Variants in YBX3 observed in about 807,000 individuals in gnomAD.
YBX3 encodes Y-box binding protein 3, also known as Y-box-binding protein 3.
A neutral mutation model predicts 42.4 loss-of-function variants in YBX3; 29 were observed. That is an observed-to-expected ratio of 0.68 (90% CI 0.51 to 0.93). YBX3 has a LOEUF of 0.93. Ranked by LOEUF, YBX3 falls within the 40% of genes least tolerant of loss-of-function variation. YBX3 has a pLI of 0.00. For missense variants in YBX3, 517 were observed against 527.5 expected (o/e 0.98, Z 0.19); for synonymous variants, 195 against 189.8 (o/e 1.03, Z -0.22).
At chr12:10,701,229 A>C in intron 9 of YBX3, 25 bp downstream of exon 9, 1 of 764,290 alleles carries the variant, frequency 1.3e-6, no homozygotes, top group Non-Finnish European at 2.4e-6. Context: ...ATACCAACTC[A>C]AGACTGGGCT....
Position 10,723,296 on chromosome 12 carries a change from T to A in YBX3, c.-185A>T, listed in dbSNP as rs1673681. 5 of 989,598 alleles carry A rather than the reference T, an allele frequency of 5.1e-6. No individual in the cohort carries two copies. Among genetic ancestry groups the A allele is most frequent in the Non-Finnish European group, 5.1e-6 (4 of 786,434 alleles). 61.3% of individuals were successfully genotyped at this position (989,598 alleles called of 1,614,324 possible). A position where few individuals can be genotyped will look rare whatever the true frequency, so the allele number is the denominator to read the frequency against. On this transcript the variant is annotated 5_prime_UTR_variant, in exon 1 of 10. Transcript: ENST00000228251. ...GGCTCGAGCTTCGTGCTGCGCGCTC[T>A]CTCTTGGGCTCCTCGCTCGATCTTA...
In YBX3 at chr12:10,723,024, G is replaced by A. The variant is rs1315371569; in HGVS notation, c.88C>T (p.Pro30Ser). ...TEAAAAAPQDPAPKSPVGSGA... is the reference protein window; with the variant it reads ...TEAAAAAPQDSAPKSPVGSGA... ...CTGCCCACCGGGCTCTTGGGCGCGG[G>A]GTCCTGGGGAGCCGCGGCGGCCGCC... Residue 30 changes from proline (P) to serine (S), a missense_variant, in exon 1 of 10, where the codon CCC becomes TCC. By Grantham distance (74) the Pro-to-Ser change is moderately conservative. This residue lies in a region of YBX3 where 86 missense variants were observed against 82.5 expected (regional missense o/e 1.04). Coordinates refer to ENST00000228251, the MANE Select transcript of YBX3 (RefSeq NM_003651.5). 5 of 1,203,196 alleles carry A rather than the reference G, an allele frequency of 4.2e-6. No individual in the cohort carries two copies. The East Asian group carries it at 1.4e-4, about 34-fold the overall frequency. 74.5% of individuals were successfully genotyped at this position (1,203,196 alleles called of 1,614,324 possible). A position where few individuals can be genotyped will look rare whatever the true frequency, so the allele number is the denominator to read the frequency against.
intron 5 of YBX3, chr12:10,712,884 C>A (rs1004304219): frequency 9.2e-6 from 2 of 218,270 alleles, no homozygotes; most frequent in East Asian, 1.9e-4. Flanking sequence ...ATGAGACCAG[C>A]GGCTCTGGAA....
chr12:10,704,816 C>CT (rs1261453167), intron 6 of YBX3, among the ~76,000 whole-genome samples: 1 of 152,226 alleles, frequency 6.6e-6, no homozygotes, highest in African/African-American at 2.4e-5. Context: ...AACAGCCTCT[C>CT]TATTCTCATC....
Position 10,723,021 on chromosome 12 carries a change from C to G in YBX3, c.91G>C (p.Ala31Pro). The G allele has an allele frequency of 8.3e-7, 1 of 1,207,070 alleles. No homozygotes were observed. Among genetic ancestry groups the G allele is most frequent in the Non-Finnish European group, 1.0e-6 (1 of 974,164 alleles). 74.8% of individuals were successfully genotyped at this position (1,207,070 alleles called of 1,614,324 possible). A position where few individuals can be genotyped will look rare whatever the true frequency, so the allele number is the denominator to read the frequency against. Residue 31 changes from alanine to proline, a missense_variant, in exon 1 of 10, where the codon GCG becomes CCG. Ala to Pro is a conservative substitution (Grantham distance 27). Transcript: ENST00000228251. Reference protein sequence around the residue: ...EAAAAAPQDPAPKSPVGSGAP... With the variant: ...EAAAAAPQDPPPKSPVGSGAP... ...CCGCTGCCCACCGGGCTCTTGGGCGCGGGGTCCTGGGGAGCCGCGGCGGCC... is the reference window on the plus strand; with the variant it reads ...CCGCTGCCCACCGGGCTCTTGGGCGGGGGGTCCTGGGGAGCCGCGGCGGCC...
Position 10,701,959 on chromosome 12 carries a change from C to T in YBX3, c.1053+1G>A. On this transcript the variant is annotated splice_donor_variant, in intron 8 of 9. Coordinates refer to ENST00000228251, the MANE Select transcript of YBX3 (RefSeq NM_003651.5). LOFTEE classifies it high-confidence loss of function. ...CATCCGCCCTGACTGGTTGGATTTA[C>T]CTCTTTGCCATCTTGTGAAGGAGCG... The T allele has an allele frequency of 6.2e-7, 1 of 1,611,654 alleles. No individual in the cohort carries two copies.
At chr12:10,722,767 T>C in intron 1 of YBX3, 83 bp downstream of exon 1, 2 of 1,202,092 alleles carry the variant, frequency 1.7e-6, no homozygotes, top group Non-Finnish European at 2.1e-6. Context: ...GTGGGAGATG[T>C]AGCGCGAGCT....
intron 2 of YBX3, among the ~76,000 whole-genome samples, chr12:10,718,764 G>T (rs1014614069): frequency 6.6e-6 from 1 of 152,160 alleles, no homozygotes; most frequent in Non-Finnish European, 1.5e-5. Flanking sequence ...CTTAACCAGT[G>T]TAAGACTCCG....
At chr12:10,720,929 T>C (rs1455497990) in intron 1 of YBX3, 1 of 152,206 alleles carries the variant, frequency 6.6e-6, no homozygotes, top group Non-Finnish European at 1.5e-5. Flanking sequence ...CCACTTCATA[T>C]ACACTAAGGG....
intron 5 of YBX3, chr12:10,712,876 G>A (rs533451007): frequency 1.4e-5 from 3 of 208,864 alleles, no homozygotes; most frequent in South Asian, 1.6e-4. Flanking sequence ...AGTGTCTAAT[G>A]AGACCAGCGG....
chr12:10,722,971 C>T lies in YBX3; in HGVS notation c.141G>A (p.Ala47=), dbSNP rs1948350106. Residue 47 remains alanine, a synonymous_variant, in exon 1 of 10, where the codon GCG becomes GCA. Coordinates refer to ENST00000228251, the MANE Select transcript of YBX3 (RefSeq NM_003651.5). ...GSGAPQAAAP[A]PAAHVAGNPG... ...GGTTTCCTGCGACGTGGGCGGCGGG[C>T]GCCGGGGCCGCGGCCTGGGGCGCAC... 1.6e-6 allele frequency: 2 copies of T among 1,238,616 alleles called. No homozygotes were observed. The highest frequency in any genetic ancestry group is 1.0e-6 in the Non-Finnish European group (1 of 995,728). 76.7% of individuals were successfully genotyped at this position (1,238,616 alleles called of 1,614,324 possible). A position where few individuals can be genotyped will look rare whatever the true frequency, so the allele number is the denominator to read the frequency against.
At chr12:10,703,174 T>C (rs920831032) in intron 7 of YBX3, 6 of 152,246 alleles carry the variant, frequency 3.9e-5, no homozygotes, top group Admixed American at 2.6e-4. Context: ...ACGATCCTTT[T>C]ACAATTATAT....
chr12:10,709,947 G>A lies in YBX3; in HGVS notation c.741C>T (p.Asp247=), dbSNP rs1029364661. The stretch of plus-strand genomic sequence containing the variant: ...GATGGGGTAAGACCCGTGAGCGACG[G>A]TCAAAGGTCTGTCCCACGTGGTAAG... ...FPPYHVGQTF[D]RRSRVLPHPN... The change falls in exon 6 of 10, where the codon GAC becomes GAT. Residue 247 remains aspartate (D), a synonymous_variant. Coordinates refer to ENST00000228251, the MANE Select transcript of YBX3 (RefSeq NM_003651.5). 4 of 1,614,218 alleles carry A rather than the reference G, an allele frequency of 2.5e-6. No homozygotes were observed. The highest frequency in any genetic ancestry group is 3.4e-6 in the Non-Finnish European group (4 of 1,180,040).
chr12:10,717,184 C>T (rs1338304460), intron 3 of YBX3, among the ~76,000 whole-genome samples: 3 of 152,102 alleles, frequency 2.0e-5, no homozygotes, highest in African/African-American at 7.2e-5. Context: ...CCACTATCTC[C>T]AACTCCTACG....
intron 6 of YBX3, among the ~76,000 whole-genome samples, chr12:10,705,300 G>C (rs1167795878): frequency 6.6e-6 from 1 of 152,040 alleles, no homozygotes; most frequent in Non-Finnish European, 1.5e-5. Flanking sequence ...TCATCATGTT[G>C]GCCAGGATGG....
At position 10,723,267 on chromosome 12, in the gene YBX3, A is replaced by T; in HGVS notation, c.-156T>A. 1.8e-6 allele frequency: 2 copies of T among 1,128,596 alleles called. No homozygotes were observed. Among genetic ancestry groups the T allele is most frequent in the Non-Finnish European group, 2.2e-6 (2 of 912,496 alleles). 69.9% of individuals were successfully genotyped at this position (1,128,596 alleles called of 1,614,324 possible). A position where few individuals can be genotyped will look rare whatever the true frequency, so the allele number is the denominator to read the frequency against. ...CGGCCGAGGTGGGGTCGCGCGGCGG[A>T]GGCGGCTCGAGCTTCGTGCTGCGCG... On this transcript the variant is annotated 5_prime_UTR_variant, in exon 1 of 10. Transcript: ENST00000228251.
rs909555850 is a variant in YBX3, at chr12:10,722,727, G to A, written c.262+123C>T. ...CCCTGGGGACCCGGAGATCCCTGGG[G>A]ACCCTGTGCTGTCAGCGTCTCCAGC... On this transcript the variant is annotated intron_variant, in intron 1 of 9. Transcript: ENST00000228251. 19 of 913,716 alleles carry A rather than the reference G, an allele frequency of 2.1e-5. No individual in the cohort carries two copies. In the East Asian group the frequency reaches 6.4e-4, roughly 31 times the overall value. The allele number at this position is 913,716 out of a possible 1,614,324, so 56.6% of individuals were successfully genotyped here. A position where few individuals can be genotyped will look rare whatever the true frequency, so the allele number is the denominator to read the frequency against.
At chr12:10,720,834 A>T (rs951384207) in intron 1 of YBX3, 7 of 152,322 alleles carry the variant, frequency 4.6e-5, no homozygotes, top group African/African-American at 1.4e-4. Flanking sequence ...AATGTAGTTT[A>T]AAAAAGTTTC....
rs750965946 is a variant in YBX3 at position 10,715,706 on chromosome 12, A to G, written c.438T>C (p.Val146=). The change falls in exon 4 of 10, where the codon GTT becomes GTC. Residue 146 remains valine, a synonymous_variant. Transcript: ENST00000228251. ...GDGETVEFDV[V]EGEKGAEAAN... ...AATTTCCTCTCACCTTCTCTCCTTC[A>G]ACCACATCAAACTCTACAGTTTCTC... The G allele has an allele frequency of 1.9e-6, 3 of 1,614,044 alleles. No individual in the cohort carries two copies. In the South Asian group the frequency reaches 3.3e-5, roughly 18 times the overall value.
Sources: allele counts gnomAD v4.1 joint callset (sites outside exome capture counted in the v4.1 genomes callset), GRCh38; gene constraint gnomAD v4.1.1; regional missense constraint gnomAD v4.1.1; transcripts MANE v1.5; gene names NCBI Gene and HGNC (gene_info 2026-07-23, HGNC 2026-07-21).